The following CEACAM20 variants were observed in gnomAD, a reference collection of about 807,000 sequenced individuals.
CEACAM20 encodes CEA cell adhesion molecule 20, also known as cell adhesion molecule CEACAM20.
In CEACAM20, 50 loss-of-function variants were observed where a neutral mutation model predicts 61.2. The observed-to-expected ratio is 0.82, with a 90% CI of 0.65 to 1.03. CEACAM20 has a LOEUF of 1.03. Among genes scored for constraint, CEACAM20 ranks in the 50% least tolerant of loss-of-function variants. The probability of loss-of-function intolerance (pLI) is 0.00; values close to 1 mark genes in which losing one functional copy is unlikely to be tolerated. For synonymous variants in CEACAM20, 282 were observed against 287.7 expected, an observed-to-expected ratio of 0.98 and a Z score of 0.20; for missense variants, 683 against 736.4, an observed-to-expected ratio of 0.93 and a Z score of 0.84.
Position 44,522,697 on chromosome 19 carries a change from A to G in CEACAM20, c.688T>C (p.Cys230Arg). The G allele has an allele frequency of 6.2e-7, 1 of 1,613,828 alleles. No homozygotes were observed. Among genetic ancestry groups the G allele is most frequent in the Non-Finnish European group, 8.5e-7 (1 of 1,179,832 alleles). The change falls in exon 4 of 12, where the codon TGC becomes CGC. Residue 230 changes from cysteine to arginine, a missense_variant. By Grantham distance (180) the Cys-to-Arg change is radical. Transcript: ENST00000614924. Reference protein sequence around the residue: ...VSREHEGLYRCLVSNSATHLS... With the variant: ...VSREHEGLYRRLVSNSATHLS... Reference sequence around the variant, plus strand: ...TGGGTGGCACTGTTGGACACCAAGCACCTGTACAGGCCCTCATGTTCTCTG... The same window carrying G: ...TGGGTGGCACTGTTGGACACCAAGCGCCTGTACAGGCCCTCATGTTCTCTG...
Position 44,517,008 on chromosome 19 carries a change from C to A in CEACAM20, c.1247G>T (p.Cys416Phe). ...LTWEHDGIYN[C>F]TASNSLTGLA... ...GCCAGTGAGAGAGTTGGAGGCTGTG[C>A]AGTTGTAGATCCCGTCGTGTTCCCA... Residue 416 changes from cysteine (C) to phenylalanine (F), a missense_variant, in exon 6 of 12, where the codon TGC becomes TTC. Physicochemically the swap from Cys to Phe is radical, Grantham distance 205. Transcript: ENST00000614924. The A allele has an allele frequency of 6.3e-7, 1 of 1,597,468 alleles. No homozygotes were observed. The highest frequency in any genetic ancestry group is 1.3e-5 in the African/African-American group (1 of 74,796).
At position 44,517,115 on chromosome 19, in the gene CEACAM20, C is replaced by T. The variant is rs1971184812; in HGVS notation, c.1140G>A (p.Lys380=). The part of the protein sequence containing the change: ...SLTLQCWAES[K]PGAEYRWTLE... ...GAGTCCAGCGATACTCAGCACCTGG[C>T]TTGGACTCGGCCCAACACTGCAGGG... is the stretch of plus-strand genomic sequence containing the variant. Residue 380 remains lysine (K), a synonymous_variant, in exon 6 of 12, where the codon AAG becomes AAA. Transcript: ENST00000614924. 2 of 1,613,224 alleles carry T rather than the reference C, an allele frequency of 1.2e-6. No individual in the cohort carries two copies. The highest frequency in any genetic ancestry group is 1.7e-5 in the Admixed American group (1 of 59,862).
chr19:44,526,391 T>C (rs1380280862), intron 1 of CEACAM20, among the ~76,000 whole-genome samples: 1 of 151,774 alleles, frequency 6.6e-6, no homozygotes, highest in African/African-American at 2.4e-5. Flanking sequence ...GCATCTGTAG[T>C]CCCAGCTACA....
At chr19:44,514,308 T>A (rs1244163885) in intron 6 of CEACAM20, among the ~76,000 whole-genome samples, 2 of 152,150 alleles carry the variant, frequency 1.3e-5, no homozygotes, top group Admixed American at 1.3e-4. Flanking sequence ...TGCCTGAACC[T>A]CTCTCAAAAG....
rs900668687 is a variant in CEACAM20 at position 44,513,181 on chromosome 19, T to C, written c.1418A>G (p.Asn473Ser). ...TGTATCCCTGTGTTACCGTCTGGCATTTCTGATGCAGAGAAAATAGCCCAG... is the reference window on the plus strand; with the variant it reads ...TGTATCCCTGTGTTACCGTCTGGCACTTCTGATGCAGAGAAAATAGCCCAG... Reference protein sequence around the residue: ...SELGYFLCIRNARRPSRKTTE... With the variant: ...SELGYFLCIRSARRPSRKTTE... The change falls in exon 7 of 12, where the codon AAT (asparagine) becomes AGT (serine). Residue 473 changes from asparagine (N) to serine (S), a missense_variant. By Grantham distance (46) the Asn-to-Ser change is conservative. Coordinates refer to ENST00000614924, the MANE Select transcript of CEACAM20 (RefSeq NM_001102597.3). 3 of 1,611,800 alleles carry C rather than the reference T, an allele frequency of 1.9e-6. No homozygotes were observed. The highest frequency in any genetic ancestry group is 1.7e-6 in the Non-Finnish European group (2 of 1,178,074).
chr19:44,523,750 A>T (rs1201272565), intron 3 of CEACAM20, among the ~76,000 whole-genome samples: 1 of 152,040 alleles, frequency 6.6e-6, no homozygotes, highest in African/African-American at 2.4e-5. Context: ...TTTCAATCTT[A>T]CTTTACCCAG....
At chr19:44,527,805 C>T (rs1456123982) in intron 1 of CEACAM20, among the ~76,000 whole-genome samples, 3 of 152,246 alleles carry the variant, frequency 2.0e-5, no homozygotes, top group African/African-American at 7.2e-5. Flanking sequence ...GAGCCCTCAC[C>T]TCTGCACATG....
chr19:44,511,870 C>T (rs1016952430), intron 9 of CEACAM20, 147 bp downstream of exon 9: 1 of 901,148 alleles, frequency 1.1e-6, no homozygotes, highest in Non-Finnish European at 1.7e-6. Context: ...TCTTGAGATC[C>T]TCAGAGAAGT....
At chr19:44,517,279 T>C (rs1971194303) in intron 5 of CEACAM20, 55 bp from the exon 6 acceptor site, 2 of 1,573,586 alleles carry the variant, frequency 1.3e-6, no homozygotes, top group South Asian at 1.1e-5. Flanking sequence ...AGTCATCCCA[T>C]TCTGCCCCAT....
intron 1 of CEACAM20, among the ~76,000 whole-genome samples, chr19:44,528,654 G>C (rs1568461836): frequency 6.8e-6 from 1 of 147,700 alleles, no homozygotes; most frequent in East Asian, 2.0e-4. Flanking sequence ...ATCTTTCTCT[G>C]TCTCTCTCTC....
At chr19:44,519,699 T>G (rs1376279870) in intron 5 of CEACAM20, among the ~76,000 whole-genome samples, 1 of 152,226 alleles carries the variant, frequency 6.6e-6, no homozygotes, top group East Asian at 1.9e-4. Flanking sequence ...ACAGTTGCCA[T>G]TCTGGTCCAG....
At chr19:44,510,725 A>G (rs1396592516) in intron 11 of CEACAM20, among the ~76,000 whole-genome samples, 1 of 152,180 alleles carries the variant, frequency 6.6e-6, no homozygotes, top group Admixed American at 6.6e-5. Flanking sequence ...ATAAAACCCA[A>G]TGGGATGGAA....
At chr19:44,517,757 A>G (rs928187733) in intron 5 of CEACAM20, among the ~76,000 whole-genome samples, 3 of 151,428 alleles carry the variant, frequency 2.0e-5, no homozygotes, top group African/African-American at 7.3e-5. Context: ...GAAGTGTTTT[A>G]GGTCACCCAG....
At chr19:44,520,841 CGTGCGTGT>C in intron 4 of CEACAM20, 89 bp from the exon 5 acceptor site, 1 of 1,227,710 alleles carries the variant, frequency 8.1e-7, no homozygotes, top group Non-Finnish European at 1.1e-6. Context: ...TCCAGGAGTG[CGTGCGTGT>C]GTGTGTGTGT....
Position 44,520,538 on chromosome 19 carries a change from A to G in CEACAM20, c.966T>C (p.Tyr322=). The G allele has an allele frequency of 5.0e-6, 8 of 1,614,014 alleles. No individual in the cohort carries two copies. Among genetic ancestry groups the G allele is most frequent in the Non-Finnish European group, 6.8e-6 (8 of 1,179,890 alleles). The change falls in exon 5 of 12, where the codon TAT becomes TAC. Residue 322 remains tyrosine, a synonymous_variant. Coordinates refer to ENST00000614924, the MANE Select transcript of CEACAM20 (RefSeq NM_001102597.3). ...HGLQRNDTGP[Y]ACEVWNWGSR... Reference sequence around the variant, plus strand: ...TGCCCCAGTTCCAGACCTCACAGGCATAGGGCCCGGTGTCATTCCGCTGGA... The same window carrying G: ...TGCCCCAGTTCCAGACCTCACAGGCGTAGGGCCCGGTGTCATTCCGCTGGA...
At chr19:44,528,956 C>CTTTTTTTTTTTTTTTT (rs71171255) in intron 1 of CEACAM20, among the ~76,000 whole-genome samples, 2 of 92,622 alleles carry the variant, frequency 2.2e-5, no homozygotes, top group Non-Finnish European at 4.0e-5. Flanking sequence ...CTCTTTCTTT[C>CTTTTTTTTTTTTTTTT]TTTTTTTTTT....
intron 6 of CEACAM20, 114 bp downstream of exon 6, chr19:44,516,832 G>T: frequency 8.5e-7 from 1 of 1,175,342 alleles, no homozygotes; most frequent in Non-Finnish European, 1.2e-6. Flanking sequence ...AACCTGCTCA[G>T]GCAGTGTGGA....
chr19:44,528,791 CTG>C (rs1971616574), intron 1 of CEACAM20, among the ~76,000 whole-genome samples: 1 of 150,420 alleles, frequency 6.6e-6, no homozygotes, highest in South Asian at 2.1e-4. Flanking sequence ...CTCTCTGTGT[CTG>C]TTTCTCTCTC....
intron 5 of CEACAM20, among the ~76,000 whole-genome samples, chr19:44,517,464 G>A (rs958650845): frequency 1.3e-4 from 20 of 152,066 alleles, no homozygotes; most frequent in African/African-American, 2.9e-4. Flanking sequence ...TTGGAAGGCC[G>A]AGGCAGGCAG....
Sources: gnomAD v4.1 joint callset for allele counts (sites outside exome capture counted in the v4.1 genomes callset) on GRCh38, gnomAD v4.1.1 for gene constraint, MANE v1.5 for transcripts, NCBI Gene and HGNC (gene_info 2026-07-23, HGNC 2026-07-21) for gene names.